The following MS4A15 variants were observed in gnomAD, a reference collection of about 807,000 sequenced individuals.
MS4A15 encodes membrane spanning 4-domains A15, also known as membrane-spanning 4-domains subfamily A member 15.
Under a neutral mutation model 20.6 loss-of-function variants are expected in MS4A15, and 22 were observed. The ratio of observed to expected loss-of-function variants is 1.07; its 90% CI spans 0.76 to 1.52. MS4A15 has a LOEUF of 1.52. MS4A15 is among the 40% of genes most tolerant of loss of function. MS4A15 has a pLI of 0.00. For synonymous variants in MS4A15, 129 were observed against 129.3 expected, an observed-to-expected ratio of 1.00 and a Z score of 0.02; for missense variants, 312 against 323.0, an observed-to-expected ratio of 0.97 and a Z score of 0.26.
At chr11:60,767,053 G>GA (rs950751791) in intron 2 of MS4A15, among the ~76,000 whole-genome samples, 8 of 152,214 alleles carry the variant, frequency 5.3e-5, no homozygotes, top group Admixed American at 3.3e-4. Flanking sequence ...CTTAGAAAGA[G>GA]AAAAAATCCC....
At chr11:60,775,339 A>G (rs370403355) in intron 6 of MS4A15, among the ~76,000 whole-genome samples, 12 of 151,300 alleles carry the variant, frequency 7.9e-5, no homozygotes, top group African/African-American at 1.7e-4. Flanking sequence ...GAAAAGAAAA[A>G]AAAGAACAGC....
rs1854035423 is a variant in MS4A15 at position 60,771,333 on chromosome 11, C to T, written c.391C>T (p.His131Tyr). ...CCTCTCAGTGGCAGCCGAGAAGAACCACACCAGTTGCCTGGTGAGTGTGAA... is the reference window on the plus strand; with the variant it reads ...CCTCTCAGTGGCAGCCGAGAAGAACTACACCAGTTGCCTGGTGAGTGTGAA... ...GSLSVAAEKN[H>Y]TSCLVRSSLG... The change falls in exon 4 of 7, where the codon CAC (histidine) becomes TAC (tyrosine). Residue 131 changes from histidine (H) to tyrosine (Y), a missense_variant. By Grantham distance (83) the His-to-Tyr change is moderately conservative. Transcript: ENST00000405633. 1.2e-6 allele frequency: 2 copies of T among 1,614,054 alleles called. No individual in the cohort carries two copies. Among genetic ancestry groups the T allele is most frequent in the Admixed American group, 3.3e-5 (2 of 60,008 alleles).
chr11:60,773,737 C>A, intron 5 of MS4A15, 100 bp from the exon 6 acceptor site: 1 of 1,018,494 alleles, frequency 9.8e-7, no homozygotes, highest in South Asian at 1.3e-5. Flanking sequence ...CACAGCTCTG[C>A]TCCCAACTAG....
intron 2 of MS4A15, among the ~76,000 whole-genome samples, chr11:60,765,208 C>G (rs748452681): frequency 6.6e-6 from 1 of 152,204 alleles, no homozygotes; most frequent in Non-Finnish European, 1.5e-5. Context: ...ACCCAGCTAT[C>G]TGTTACAAAA....
rs1252891408 is a variant in MS4A15, at chr11:60,769,774, AC to A, written c.349-1513del. 4.0e-5 allele frequency among the ~76,000 whole-genome samples: 6 copies of A among 151,714 alleles called. No individual in the cohort carries two copies. The East Asian group carries it at 1.2e-3, about 29-fold the overall frequency. On this transcript the variant is annotated intron_variant, in intron 3 of 6. Coordinates refer to ENST00000405633, the MANE Select transcript of MS4A15 (RefSeq NM_001098835.2). ...AATCTTCTTTCCCTGCTGCGCATCC[AC>A]CCCAGCAGCAGGTCGCGCCGGATCA...
rs201494996 is a variant in MS4A15 at position 60,763,733 on chromosome 11, G to A, written c.-1G>A. 5.0e-6 allele frequency: 8 copies of A among 1,611,892 alleles called. No individual in the cohort carries two copies. Among genetic ancestry groups the A allele is most frequent in the African/African-American group, 2.7e-5 (2 of 74,850 alleles). The stretch of plus-strand genomic sequence containing the variant: ...TTTGTTTCCCAGGCTCTCTGAGCAC[G>A]ATGTCTGCAGCTCCCGCCAGCAATG... On this transcript the variant is annotated 5_prime_UTR_variant, in exon 2 of 7. Coordinates refer to ENST00000405633, the MANE Select transcript of MS4A15 (RefSeq NM_001098835.2).
Position 60,771,287 on chromosome 11 carries a change from A to G in MS4A15, c.349-4A>G, listed in dbSNP as rs114050664. The G allele has an allele frequency of 1.2e-6, 2 of 1,613,462 alleles. No individual in the cohort carries two copies. Among genetic ancestry groups the G allele is most frequent in the African/African-American group, 1.3e-5 (1 of 74,940 alleles). On this transcript the variant is annotated splice_polypyrimidine_tract_variant and splice_region_variant and intron_variant, in intron 3 of 6. Transcript: ENST00000405633. ...GCCTCACCTGGTCCCCTCTCCCCAT[A>G]CAGTTCATCATCTCCGGATCCCTCT... is the stretch of plus-strand genomic sequence containing the variant.
intron 1 of MS4A15, among the ~76,000 whole-genome samples, chr11:60,759,790 G>A (rs946298452): frequency 3.5e-4 from 54 of 152,126 alleles, no homozygotes; most frequent in African/African-American, 1.2e-3. Context: ...GCACATCTGG[G>A]CACAGTACCT....
At chr11:60,771,506 G>A (rs760397962) in intron 4 of MS4A15, 159 bp downstream of exon 4, 45 of 1,536,432 alleles carry the variant, frequency 2.9e-5, no homozygotes, top group South Asian at 7.2e-5. Context: ...CAGACCAGAC[G>A]CAGACTGTGC....
At position 60,775,664 on chromosome 11, in the gene MS4A15, C is replaced by T. The variant is rs775840205; in HGVS notation, c.672C>T (p.Ala224=). ...ACTTCAACATCCCCAGCCCGGCAGC[C>T]TCTGCGCCCCCTGCCTATGACAATG... is the stretch of plus-strand genomic sequence containing the variant. ...SADFNIPSPA[A]SAPPAYDNVA... is the part of the protein sequence containing the mutation. The change falls in exon 7 of 7, where the codon GCC becomes GCT. Residue 224 remains alanine (A), a synonymous_variant. Transcript: ENST00000405633. The T allele has an allele frequency of 1.2e-6, 2 of 1,614,014 alleles. No individual in the cohort carries two copies. The highest frequency in any genetic ancestry group is 1.1e-5 in the South Asian group (1 of 91,080).
intron 3 of MS4A15, among the ~76,000 whole-genome samples, chr11:60,768,317 G>A (rs1853934662): frequency 6.6e-6 from 1 of 152,168 alleles, no homozygotes; most frequent in African/African-American, 2.4e-5. Flanking sequence ...CCTGAGTTGG[G>A]TCCCAGCCCT....
intron 3 of MS4A15, among the ~76,000 whole-genome samples, chr11:60,767,930 T>C (rs578109653): frequency 1.3e-5 from 2 of 152,312 alleles, no homozygotes; most frequent in African/African-American, 2.4e-5. Flanking sequence ...CGGTGGCTCA[T>C]GCCTGTAATC....
At chr11:60,773,752 A>G (rs2134730577) in intron 5 of MS4A15, 85 bp from the exon 6 acceptor site, 2 of 1,146,818 alleles carry the variant, frequency 1.7e-6, no homozygotes, top group East Asian at 2.3e-5. Context: ...AACTAGCCGC[A>G]TGACCTTGGG....
intron 3 of MS4A15, among the ~76,000 whole-genome samples, chr11:60,768,310 G>T (rs1853934270): frequency 6.6e-6 from 1 of 152,198 alleles, no homozygotes; most frequent in Non-Finnish European, 1.5e-5. Flanking sequence ...CTAGCTCCCT[G>T]AGTTGGGTCC....
At chr11:60,757,633 T>C (rs765406719) in intron 1 of MS4A15, among the ~76,000 whole-genome samples, 18 of 152,158 alleles carry the variant, frequency 1.2e-4, no homozygotes, top group Non-Finnish European at 1.3e-4. Context: ...TGCCCTCTTT[T>C]CCTCCACCCT....
chr11:60,773,375 C>A lies in MS4A15; in HGVS notation c.406-17C>A. The stretch of plus-strand genomic sequence containing the variant: ...CTTTGCCTATTCCCTCTGCTCCTGT[C>A]TCTCTGCTCTCTGCAGGTGAGGAGC... On this transcript the variant is annotated splice_polypyrimidine_tract_variant and intron_variant, in intron 4 of 6. Transcript: ENST00000405633. The A allele has an allele frequency of 6.2e-7, 1 of 1,605,330 alleles. No homozygotes were observed. The highest frequency in any genetic ancestry group is 8.5e-7 in the Non-Finnish European group (1 of 1,175,086).
intron 3 of MS4A15, among the ~76,000 whole-genome samples, chr11:60,768,934 A>C (rs1396891027): frequency 6.6e-6 from 1 of 152,154 alleles, no homozygotes; most frequent in African/African-American, 2.4e-5. Flanking sequence ...AGGGAGGACA[A>C]ATGGCTGACA....
Position 60,771,363 on chromosome 11 carries a change from G to A in MS4A15, c.405+16G>A, listed in dbSNP as rs528824378. On this transcript the variant is annotated intron_variant, in intron 4 of 6. Transcript: ENST00000405633. Reference sequence around the variant, plus strand: ...CAGTTGCCTGGTGAGTGTGAACAGGGGGACCCAGGGGCGGGGATGAAGCCA... The same window carrying A: ...CAGTTGCCTGGTGAGTGTGAACAGGAGGACCCAGGGGCGGGGATGAAGCCA... The A allele has an allele frequency of 2.5e-5, 41 of 1,614,038 alleles. No individual in the cohort carries two copies. In the African/African-American group the frequency reaches 4.8e-4, roughly 19 times the overall value.
intron 6 of MS4A15, among the ~76,000 whole-genome samples, chr11:60,774,957 GGCTGGTGCCACGGT>G (rs757394534): frequency 2.0e-5 from 3 of 152,206 alleles, no homozygotes; most frequent in Non-Finnish European, 4.4e-5. Context: ...GCTGCAAGGA[GGCTGGTGCCACGGT>G]GCAGGCAAGA....
Sources: allele counts gnomAD v4.1 joint callset (sites outside exome capture counted in the v4.1 genomes callset), GRCh38; gene constraint gnomAD v4.1.1; transcripts MANE v1.5; gene names NCBI Gene and HGNC (gene_info 2026-07-23, HGNC 2026-07-21).